The following PARG variants were observed in gnomAD, a reference collection of about 807,000 sequenced individuals.
PARG encodes poly(ADP-ribose) glycohydrolase.
PARG carries 35 observed loss-of-function variants against 113.0 expected under a neutral mutation model. The observed-to-expected ratio is 0.31, with a 90% CI of 0.24 to 0.41. The LOEUF is 0.41. Among genes scored for constraint, PARG ranks in the 10% least tolerant of loss-of-function variants. PARG has a pLI of 1.00. For missense variants in PARG, 797 were observed against 1,169.4 expected (o/e 0.68, Z 4.64); for synonymous variants, 330 against 409.9 (o/e 0.81, Z 2.36).
At chr10:49,906,112 T>C (rs1319523145) in intron 7 of PARG, among the ~76,000 whole-genome samples, 2 of 149,948 alleles carry the variant, frequency 1.3e-5, no homozygotes, top group African/African-American at 4.9e-5. Context: ...TGGAAGCTGG[T>C]AGGTGCTTTC....
intron 8 of PARG, among the ~76,000 whole-genome samples, chr10:49,882,562 C>A (rs1374676468): frequency 1.3e-5 from 2 of 152,138 alleles, no homozygotes; most frequent in African/African-American, 4.8e-5. Context: ...ACTCAGGGGT[C>A]TGATTTTGGT....
chr10:49,839,556 A>G (rs1845123353), intron 15 of PARG, among the ~76,000 whole-genome samples: 1 of 152,236 alleles, frequency 6.6e-6, no homozygotes, highest in African/African-American at 2.4e-5. Flanking sequence ...ATTTACAACT[A>G]ACTTAACCTA....
intron 13 of PARG, among the ~76,000 whole-genome samples, chr10:49,852,145 A>G (rs1407658212): frequency 6.6e-6 from 1 of 152,240 alleles, no homozygotes; most frequent in Non-Finnish European, 1.5e-5. Flanking sequence ...GAGTCTCCTA[A>G]GGAGGGAGAT....
chr10:49,868,783 A>G (rs1588921547), intron 10 of PARG, among the ~76,000 whole-genome samples: 1 of 151,786 alleles, frequency 6.6e-6, no homozygotes, highest in South Asian at 2.1e-4. Flanking sequence ...TTTAATATCT[A>G]TAACTACCCT....
intron 16 of PARG, among the ~76,000 whole-genome samples, chr10:49,826,050 T>C (rs1281871985): frequency 1.3e-5 from 2 of 152,202 alleles, no homozygotes; most frequent in African/African-American, 2.4e-5. Context: ...TTGAGCATCA[T>C]GCGCTCAAAA....
chr10:49,885,184 G>A lies in PARG; in HGVS notation c.1830+19C>T. The A allele has an allele frequency of 7.6e-7, 1 of 1,315,214 alleles. No homozygotes were observed. The highest frequency in any genetic ancestry group is 2.3e-5 in the East Asian group (1 of 43,534). The allele number at this position is 1,315,214 out of a possible 1,614,324, so 81.5% of individuals were successfully genotyped here. A position where few individuals can be genotyped will look rare whatever the true frequency, so the allele number is the denominator to read the frequency against. ...TTGGCAGTCTCAGGGAAGCTACTGA[G>A]GAAGCTACATCCACTAACCTGGGTG... On this transcript the variant is annotated intron_variant, in intron 8 of 17. Coordinates refer to ENST00000616448, the MANE Select transcript of PARG (RefSeq NM_003631.5).
At position 49,841,032 on chromosome 10, in the gene PARG, C is replaced by T. The variant is rs782067011; in HGVS notation, c.2541+918G>A. 1.2e-4 allele frequency among the ~76,000 whole-genome samples: 19 copies of T among 152,234 alleles called. No homozygotes were observed. In the Middle Eastern group the frequency reaches 0.01, roughly 82 times the overall value. ...TTTGGGAGGCTGTGGCGGGCAGGAT[C>T]GCCTGAGGTCAGGAGTTCGAGACCA... On this transcript the variant is annotated intron_variant, in intron 15 of 17. Transcript: ENST00000616448.
At chr10:49,868,113 G>A (rs1290483737) in intron 10 of PARG, among the ~76,000 whole-genome samples, 2 of 152,020 alleles carry the variant, frequency 1.3e-5, no homozygotes, top group Non-Finnish European at 2.9e-5. Flanking sequence ...TCAACCTCCC[G>A]AGTAGCTGGC....
chr10:49,896,505 G>A (rs527491880), intron 7 of PARG, among the ~76,000 whole-genome samples: 79 of 152,172 alleles, frequency 5.2e-4, no homozygotes, highest in African/African-American at 1.1e-3. Flanking sequence ...GGCTGGCCTC[G>A]AACTCCTAAC....
At chr10:49,868,564 G>A (rs1846635539) in intron 10 of PARG, among the ~76,000 whole-genome samples, 2 of 152,096 alleles carry the variant, frequency 1.3e-5, no homozygotes, top group Admixed American at 6.5e-5. Context: ...AGTAAAAGAA[G>A]GATATGAGAA....
At chr10:49,927,373 A>G (rs782757880) in intron 4 of PARG, among the ~76,000 whole-genome samples, 1,243 of 22,118 alleles carry the variant, frequency 0.056, 21 homozygotes, top group Middle Eastern at 0.18. Context: ...AAAGAAGGAA[A>G]GAAAGAAAGA....
At chr10:49,924,857 T>C (rs1279287340) in intron 4 of PARG, among the ~76,000 whole-genome samples, 1 of 152,202 alleles carries the variant, frequency 6.6e-6, no homozygotes, top group East Asian at 1.9e-4. Context: ...GTGGGTAAAA[T>C]CTACATTGTG....
intron 7 of PARG, among the ~76,000 whole-genome samples, chr10:49,895,560 C>G (rs570338572): frequency 2.2e-3 from 328 of 152,090 alleles, no homozygotes; most frequent in African/African-American, 7.5e-3. Context: ...CCCGCCACCA[C>G]GCCTGGCTAA....
intron 7 of PARG, among the ~76,000 whole-genome samples, chr10:49,898,068 T>C (rs1848180115): frequency 1.3e-5 from 2 of 152,130 alleles, no homozygotes; most frequent in Admixed American, 1.3e-4. Flanking sequence ...AGGAAGGATA[T>C]AAAAGAAATA....
intron 4 of PARG, among the ~76,000 whole-genome samples, chr10:49,927,645 A>C (rs1554851007): frequency 2.0e-5 from 3 of 152,216 alleles, no homozygotes; most frequent in African/African-American, 7.2e-5. Context: ...CCAAAGGATG[A>C]GTATATTCCA....
At chr10:49,860,112 C>T (rs1200940495) in intron 12 of PARG, among the ~76,000 whole-genome samples, 47 of 152,182 alleles carry the variant, frequency 3.1e-4, no homozygotes, top group Non-Finnish European at 2.4e-4. Context: ...CAATATTCCC[C>T]GATCTCCTGC....
chr10:49,879,955 C>A (rs1159738719), intron 8 of PARG, 125 bp from the exon 9 acceptor site: 14 of 589,526 alleles, frequency 2.4e-5, no homozygotes, highest in Admixed American at 1.2e-4. Context: ...ATTCTTGAAT[C>A]CTTAAATCAG....
At position 49,934,060 on chromosome 10, in the gene PARG, A is replaced by G; in HGVS notation, c.388T>C (p.Ser130Pro). The stretch of plus-strand genomic sequence containing the variant: ...GGTGACTTATCAAGACTTAGCTGAG[A>G]AACATTTTCTAATTTTTCTACATTA... ...QHNVEKLENV[S>P]QLSLDKSPTE... is the part of the protein sequence containing the mutation. The change falls in exon 3 of 18, where the codon TCT (serine) becomes CCT (proline). Residue 130 changes from serine to proline, a missense_variant. Physicochemically the swap from Ser to Pro is moderately conservative, Grantham distance 74. Around this residue, in one of 5 missense-constraint regions of PARG, gnomAD observed 284 missense variants for 306.1 expected, o/e 0.93. Transcript: ENST00000616448. 1 of 1,592,096 alleles carries G rather than the reference A, an allele frequency of 6.3e-7. No homozygotes were observed. Among genetic ancestry groups the G allele is most frequent in the Middle Eastern group, 1.7e-4 (1 of 6,010 alleles).
chr10:49,911,466 G>A (rs1400350366), intron 7 of PARG, among the ~76,000 whole-genome samples: 3 of 152,114 alleles, frequency 2.0e-5, no homozygotes, highest in Non-Finnish European at 2.9e-5. Flanking sequence ...CACCACACAG[G>A]AGGGCCATAA....
Sources: allele counts gnomAD v4.1 joint callset (sites outside exome capture counted in the v4.1 genomes callset), GRCh38; gene constraint gnomAD v4.1.1; regional missense constraint gnomAD v4.1.1; transcripts MANE v1.5; gene names NCBI Gene and HGNC (gene_info 2026-07-23, HGNC 2026-07-21).